The following GPHN variants were observed in gnomAD, a reference collection of about 807,000 sequenced individuals.
GPHN encodes the protein gephyrin.
A neutral mutation model predicts 95.5 loss-of-function variants in GPHN; 17 were observed. The observed-to-expected ratio is 0.18, with a 90% CI of 0.12 to 0.27. The LOEUF is 0.27. Ranked by LOEUF, GPHN falls within the 10% of genes least tolerant of loss-of-function variation. The probability of loss-of-function intolerance (pLI) is 1.00; values close to 1 mark genes in which losing one functional copy is unlikely to be tolerated. For synonymous variants in GPHN, 320 were observed against 322.5 expected (o/e 0.99, Z 0.08); for missense variants, 660 against 978.1 (o/e 0.67, Z 4.34).
At chr14:67,066,379 C>T (rs1567283492) in intron 11 of GPHN, among the ~76,000 whole-genome samples, 1 of 152,114 alleles carries the variant, frequency 6.6e-6, no homozygotes, top group African/African-American at 2.4e-5. Context: ...TTCATTTCAA[C>T]CTTGGTGAAA....
intron 1 of GPHN, among the ~76,000 whole-genome samples, chr14:66,545,143 C>T (rs1288980518): frequency 6.6e-6 from 1 of 152,122 alleles, no homozygotes; most frequent in Non-Finnish European, 1.5e-5. Flanking sequence ...CCTCACTTCC[C>T]AGTAGGGGCG....
At chr14:67,146,305 C>T (rs1441096390) in intron 18 of GPHN, among the ~76,000 whole-genome samples, 1 of 152,160 alleles carries the variant, frequency 6.6e-6, no homozygotes, top group Non-Finnish European at 1.5e-5. Context: ...AGATCTCTCC[C>T]CTCCTTCACC....
At chr14:67,225,615 C>CT in the GPHN span, among the ~76,000 whole-genome samples, 1,618 of 152,184 alleles carry the variant, frequency 0.011, 31 homozygotes, top group African/African-American at 0.036. Context: ...ATCAAGACCT[C>CT]TTTTTTTTCA....
intron 8 of GPHN, among the ~76,000 whole-genome samples, chr14:66,957,540 G>T (rs1343851773): frequency 1.3e-5 from 2 of 151,816 alleles, no homozygotes; most frequent in East Asian, 3.9e-4. Flanking sequence ...TTCCATTATG[G>T]TCAGAAAAAA....
At chr14:67,443,605 G>C in the GPHN span, among the ~76,000 whole-genome samples, 1 of 151,884 alleles carries the variant, frequency 6.6e-6, no homozygotes, top group South Asian at 2.1e-4. Context: ...AAAGAAAAGA[G>C]AAATAAAAAT....
intron 4 of GPHN, chr14:66,842,635 TG>T (rs2153508800): frequency 6.8e-7 from 1 of 1,474,418 alleles, no homozygotes; most frequent in Non-Finnish European, 9.2e-7. Context: ...TTCCTCAAAC[TG>T]GGAGTCAGAA....
intron 2 of GPHN, among the ~76,000 whole-genome samples, chr14:66,705,049 AAACTAGAAAATCTAG>A (rs1341991616): frequency 6.6e-6 from 1 of 152,262 alleles, no homozygotes; most frequent in Non-Finnish European, 1.5e-5. Context: ...CTAGGCAAAT[AAACTAGAAAATCTAG>A]AAGAAATGGA....
chr14:67,548,626 G>A, the GPHN span, among the ~76,000 whole-genome samples: 2 of 152,198 alleles, frequency 1.3e-5, no homozygotes, highest in Admixed American at 1.3e-4. Flanking sequence ...GAAACCGGGA[G>A]GCAGAGGTTG....
chr14:67,313,524 T>TA, the GPHN span, among the ~76,000 whole-genome samples: 3 of 152,188 alleles, frequency 2.0e-5, no homozygotes, highest in African/African-American at 7.2e-5. Flanking sequence ...AAATGGCTCT[T>TA]ACAGTTCCCA....
intron 1 of GPHN, among the ~76,000 whole-genome samples, chr14:66,538,396 C>T (rs1451920104): frequency 6.6e-6 from 1 of 151,222 alleles, no homozygotes; most frequent in African/African-American, 2.4e-5. Flanking sequence ...CCCAATCTCT[C>T]TCTCCTCTAA....
At chr14:66,917,429 A>T (rs578121318) in intron 6 of GPHN, among the ~76,000 whole-genome samples, 2 of 152,262 alleles carry the variant, frequency 1.3e-5, no homozygotes, top group South Asian at 4.2e-4. Flanking sequence ...TCTTGTTCTG[A>T]ACCTCTTTGG....
chr14:67,198,328 A>T, the GPHN span: 1 of 1,609,522 alleles, frequency 6.2e-7, no homozygotes, highest in Non-Finnish European at 8.5e-7. Flanking sequence ...CAGGTAAATC[A>T]TATTCAAGGC....
intron 4 of GPHN, among the ~76,000 whole-genome samples, chr14:66,852,906 T>C (rs1477324682): frequency 6.6e-6 from 1 of 152,186 alleles, no homozygotes; most frequent in Non-Finnish European, 1.5e-5. Context: ...TTAGATGAAT[T>C]TGTATCTTAT....
chr14:66,785,131 G>C (rs991034213), intron 3 of GPHN, among the ~76,000 whole-genome samples: 3 of 152,162 alleles, frequency 2.0e-5, no homozygotes, highest in Non-Finnish European at 2.9e-5. Context: ...CTTTGGGGAG[G>C]TCGAAGCGGG....
intron 16 of GPHN, among the ~76,000 whole-genome samples, chr14:67,121,205 C>T (rs1234595405): frequency 6.6e-6 from 1 of 152,056 alleles, no homozygotes; most frequent in Admixed American, 6.6e-5. Flanking sequence ...TATCTTAAAA[C>T]TGATACATAA....
chr14:66,694,385 A>AT (rs949769696), intron 2 of GPHN, among the ~76,000 whole-genome samples: 1 of 152,192 alleles, frequency 6.6e-6, no homozygotes, highest in African/African-American at 2.4e-5. Flanking sequence ...AGTCCATGGT[A>AT]TTTTTTAAAT....
At position 66,774,808 on chromosome 14, in the gene GPHN, T is replaced by A. The variant is rs1402702029; in HGVS notation, c.144-1656T>A. Reference sequence around the variant, plus strand: ...ACATGTATCCACTTTTCAACTATTTTTTCTCTGTTAAAACATTTTAAAAAT... The same window carrying A: ...ACATGTATCCACTTTTCAACTATTTATTCTCTGTTAAAACATTTTAAAAAT... On this transcript the variant is annotated intron_variant, in intron 2 of 22. Coordinates refer to ENST00000478722, the MANE Select transcript of GPHN (RefSeq NM_020806.5). 2.0e-5 allele frequency among the ~76,000 whole-genome samples: 3 copies of A among 152,222 alleles called. No homozygotes were observed. In the East Asian group the frequency reaches 5.8e-4, roughly 29 times the overall value.
the GPHN span, among the ~76,000 whole-genome samples, chr14:67,643,726 A>C: frequency 1.3e-5 from 2 of 152,264 alleles, no homozygotes; most frequent in Admixed American, 1.3e-4. Flanking sequence ...TAGAGCTGGG[A>C]TTCAAATCCA....
At chr14:67,219,202 CTG>C in the GPHN span, among the ~76,000 whole-genome samples, 1 of 152,174 alleles carries the variant, frequency 6.6e-6, no homozygotes, top group Non-Finnish European at 1.5e-5. Flanking sequence ...CTTGTGATGA[CTG>C]TGGGATTCTC....
Sources: gnomAD v4.1 joint callset for allele counts (sites outside exome capture counted in the v4.1 genomes callset) on GRCh38, gnomAD v4.1.1 for gene constraint, MANE v1.5 for transcripts, NCBI Gene and HGNC (gene_info 2026-07-23, HGNC 2026-07-21) for gene names.